The following LOC400499 variants were observed in gnomAD, a reference collection of about 807,000 sequenced individuals.
At chr16:11,460,065 C>A in the LOC400499 span, 2 of 1,389,082 alleles carry the variant, frequency 1.4e-6, no homozygotes, top group Non-Finnish European at 1.9e-6. Flanking sequence ...CTGGGACACA[C>A]ATGGGTGGTG....
chr16:11,469,631 C>T, the LOC400499 span: 9 of 398,990 alleles, frequency 2.3e-5, no homozygotes, highest in Non-Finnish European at 3.1e-5. Flanking sequence ...CCCATGAAGA[C>T]GTGGGCTGTG....
At chr16:11,451,405 C>T in the LOC400499 span, among the ~76,000 whole-genome samples, 1 of 151,772 alleles carries the variant, frequency 6.6e-6, no homozygotes, top group African/African-American at 2.4e-5. Context: ...CAAAGCGAGA[C>T]CCCATCTCTA....
the LOC400499 span, among the ~76,000 whole-genome samples, chr16:11,374,647 C>T: frequency 2.0e-5 from 3 of 152,204 alleles, no homozygotes; most frequent in African/African-American, 4.8e-5. Flanking sequence ...CATGTGGTAG[C>T]GTGTGTCAGA....
At chr16:11,503,286 A>AG in the LOC400499 span, among the ~76,000 whole-genome samples, 1 of 152,186 alleles carries the variant, frequency 6.6e-6, no homozygotes, top group Non-Finnish European at 1.5e-5. Flanking sequence ...AGGGCATTAT[A>AG]GGGGGTGCAG....
the LOC400499 span, among the ~76,000 whole-genome samples, chr16:11,498,540 G>T: frequency 6.6e-6 from 1 of 151,846 alleles, no homozygotes; most frequent in African/African-American, 2.4e-5. Flanking sequence ...GAAATTAAAA[G>T]TTCATTAAAA....
chr16:11,422,435 C>T, the LOC400499 span, among the ~76,000 whole-genome samples: 4 of 150,590 alleles, frequency 2.7e-5, no homozygotes, highest in South Asian at 2.1e-4. Context: ...AGGAACAGAA[C>T]GGAACGGAAA....
the LOC400499 span, chr16:11,448,135 T>C: frequency 2.0e-6 from 3 of 1,494,252 alleles, no homozygotes; most frequent in Admixed American, 2.2e-5. Flanking sequence ...CAGACCTGCC[T>C]TGCAGGAAGG....
chr16:11,386,551 C>CCACAGA, the LOC400499 span, among the ~76,000 whole-genome samples: 1 of 152,222 alleles, frequency 6.6e-6, no homozygotes, highest in African/African-American at 2.4e-5. Context: ...CGGGGTTCCC[C>CCACAGA]CATAGACATG....
chr16:11,497,957 A>G, the LOC400499 span, among the ~76,000 whole-genome samples: 2 of 152,214 alleles, frequency 1.3e-5, no homozygotes, highest in African/African-American at 4.8e-5. Flanking sequence ...AAGATGGAAA[A>G]ATAAAATTAC....
At chr16:11,516,107 C>T in the LOC400499 span, 1 of 399,588 alleles carries the variant, frequency 2.5e-6, no homozygotes, top group Non-Finnish European at 4.4e-6. Context: ...CTGGCCACCT[C>T]TACCCCCTAC....
At chr16:11,476,320 G>C in the LOC400499 span, among the ~76,000 whole-genome samples, 1 of 152,018 alleles carries the variant, frequency 6.6e-6, no homozygotes, top group African/African-American at 2.4e-5. Context: ...CACCTCCTTA[G>C]GGGTCACAGA....
At chr16:11,385,455 AGCTCCACCCACCGCAGTAG>A in the LOC400499 span, 1 of 1,204,476 alleles carries the variant, frequency 8.3e-7, no homozygotes, top group Non-Finnish European at 1.0e-6. Flanking sequence ...GAGCGGGGCC[AGCTCCACCCACCGCAGTAG>A]GAGCCCAATG....
chr16:11,523,299 T>A, the LOC400499 span: 1 of 397,858 alleles, frequency 2.5e-6, no homozygotes, highest in Non-Finnish European at 4.4e-6. Context: ...GGGAGCATAG[T>A]CAGGGCCCTC....
chr16:11,388,064 T>C, the LOC400499 span, among the ~76,000 whole-genome samples: 2 of 152,138 alleles, frequency 1.3e-5, no homozygotes, highest in Non-Finnish European at 2.9e-5. Context: ...AAACATCTCA[T>C]ACCCTGTTGT....
chr16:11,446,708 C>T, the LOC400499 span: 1 of 1,532,434 alleles, frequency 6.5e-7, no homozygotes, highest in Non-Finnish European at 8.7e-7. Context: ...CTTCCTCTGG[C>T]TCTCAGGCCC....
chr16:11,476,796 C>T, the LOC400499 span: 3 of 399,322 alleles, frequency 7.5e-6, no homozygotes, highest in East Asian at 7.1e-5. Context: ...CCTCCTCAGG[C>T]GTGTTCAGAT....
At chr16:11,439,931 C>A in the LOC400499 span, among the ~76,000 whole-genome samples, 1 of 152,016 alleles carries the variant, frequency 6.6e-6, no homozygotes, top group Non-Finnish European at 1.5e-5. Flanking sequence ...CTCATTTAAT[C>A]CTCAGCAGTG....
chr16:11,517,936 C>T, the LOC400499 span, among the ~76,000 whole-genome samples: 1 of 152,186 alleles, frequency 6.6e-6, no homozygotes, highest in South Asian at 2.1e-4. Context: ...TATGTTACCA[C>T]TTCTACCTTC....
At chr16:11,525,103 G>A in the LOC400499 span, among the ~76,000 whole-genome samples, 2 of 152,032 alleles carry the variant, frequency 1.3e-5, no homozygotes, top group African/African-American at 2.4e-5. Context: ...GGCCAGCATG[G>A]CGAAACCCCC....
Sources: gnomAD v4.1 joint callset for allele counts (sites outside exome capture counted in the v4.1 genomes callset) on GRCh38, gnomAD v4.1.1 for gene constraint, MANE v1.5 for transcripts.